GTF2H1: variants seen among roughly 807,000 people sequenced by gnomAD.
GTF2H1 encodes the protein general transcription factor IIH subunit 1.
In GTF2H1, 16 loss-of-function variants were observed where a neutral mutation model predicts 71.2. The ratio of observed to expected loss-of-function variants is 0.22; its 90% CI spans 0.15 to 0.34. The LOEUF (loss-of-function observed/expected upper bound fraction) is 0.34, where lower values mean the gene tolerates loss of function less well. Ranked by LOEUF, GTF2H1 falls within the 10% of genes least tolerant of loss-of-function variation. The probability of loss-of-function intolerance (pLI) is 1.00; values close to 1 mark genes in which losing one functional copy is unlikely to be tolerated. For missense variants in GTF2H1, 498 were observed against 648.2 expected, an observed-to-expected ratio of 0.77 and a Z score of 2.52; for synonymous variants, 215 against 219.0, an observed-to-expected ratio of 0.98 and a Z score of 0.16.
chr11:18,363,647 A>G (rs1039356548), intron 14 of GTF2H1, among the ~76,000 whole-genome samples: 4 of 152,212 alleles, frequency 2.6e-5, no homozygotes, highest in African/African-American at 9.7e-5. Context: ...GTTTTCTTAA[A>G]ATACAAAACA....
At chr11:18,345,465 A>T (rs1865268776) in intron 7 of GTF2H1, among the ~76,000 whole-genome samples, 1 of 151,652 alleles carries the variant, frequency 6.6e-6, no homozygotes, top group South Asian at 2.1e-4. Context: ...ATCACTTAGT[A>T]ATTATTTGAT....
chr11:18,345,017 AC>A (rs1029648324), intron 7 of GTF2H1, among the ~76,000 whole-genome samples: 1 of 72,488 alleles, frequency 1.4e-5, no homozygotes, highest in Non-Finnish European at 2.7e-5. Context: ...ACATCTCTAA[AC>A]TTTTTTTTTT....
chr11:18,330,874 CT>C (rs1864878064), intron 1 of GTF2H1, among the ~76,000 whole-genome samples: 1 of 152,104 alleles, frequency 6.6e-6, no homozygotes, highest in Admixed American at 6.6e-5. Flanking sequence ...GACCTATTTC[CT>C]TTCTGTTCTC....
At chr11:18,365,092 A>AAAT (rs35661766) in intron 14 of GTF2H1, among the ~76,000 whole-genome samples, 7 of 150,202 alleles carry the variant, frequency 4.7e-5, no homozygotes, top group Non-Finnish European at 5.9e-5. Flanking sequence ...AAAAAAAAAA[A>AAAT]CCTGGCCGGG....
intron 1 of GTF2H1, among the ~76,000 whole-genome samples, chr11:18,324,576 C>G (rs964116237): frequency 2.0e-5 from 3 of 152,200 alleles, no homozygotes; most frequent in Non-Finnish European, 4.4e-5. Flanking sequence ...TTATTCCCTA[C>G]CATCAGAATG....
intron 1 of GTF2H1, chr11:18,325,912 C>T (rs1348330709): frequency 6.6e-6 from 1 of 152,166 alleles, no homozygotes; most frequent in East Asian, 1.9e-4. Context: ...GTAGCCTACA[C>T]CAATAACTTT....
rs747448568 is a variant in GTF2H1 at position 18,333,068 on chromosome 11, A to G, written c.-7A>G. ...TTTTTTTTCTCTCTTAGCACCTTCT[A>G]GCCACCATGGCAACCTCATCTGAAG... is the stretch of plus-strand genomic sequence containing the variant. On this transcript the variant is annotated 5_prime_UTR_variant, in exon 2 of 15. Coordinates refer to ENST00000265963, the MANE Select transcript of GTF2H1 (RefSeq NM_005316.4). 13 of 1,607,972 alleles carry G rather than the reference A, an allele frequency of 8.1e-6. No homozygotes were observed. The highest frequency in any genetic ancestry group is 1.1e-5 in the Non-Finnish European group (13 of 1,178,560).
At chr11:18,334,794 T>A (rs1378209596) in intron 2 of GTF2H1, among the ~76,000 whole-genome samples, 1 of 152,196 alleles carries the variant, frequency 6.6e-6, no homozygotes, top group Non-Finnish European at 1.5e-5. Context: ...CACCTAGATA[T>A]TAGTTATTAT....
At chr11:18,341,830 A>G (rs1323555888) in intron 7 of GTF2H1, 2 of 392,400 alleles carry the variant, frequency 5.1e-6, no homozygotes, top group Non-Finnish European at 9.1e-6. Context: ...TTTTAAAAAT[A>G]AATTTCTAGC....
intron 3 of GTF2H1, among the ~76,000 whole-genome samples, 168 bp downstream of exon 3, chr11:18,336,114 GTTTT>G (rs1410883595): frequency 1.3e-5 from 2 of 151,652 alleles, no homozygotes; most frequent in Non-Finnish European, 2.9e-5. Flanking sequence ...GGTGGTGGTG[GTTTT>G]TTGTTTGTTT....
chr11:18,344,482 G>A (rs1017454763), intron 7 of GTF2H1, among the ~76,000 whole-genome samples: 9 of 152,024 alleles, frequency 5.9e-5, no homozygotes, highest in Non-Finnish European at 1.3e-4. Flanking sequence ...AGCCGGGCCT[G>A]GCGGCACATG....
At chr11:18,331,173 C>T (rs1247973405) in intron 1 of GTF2H1, among the ~76,000 whole-genome samples, 1 of 152,096 alleles carries the variant, frequency 6.6e-6, no homozygotes, top group African/African-American at 2.4e-5. Context: ...TCTCCCGCTT[C>T]AGCATTCCAA....
intron 1 of GTF2H1, among the ~76,000 whole-genome samples, chr11:18,331,526 C>T (rs1864897561): frequency 6.6e-6 from 1 of 152,024 alleles, no homozygotes; most frequent in East Asian, 1.9e-4. Context: ...AATAGCCAGG[C>T]GTGGTGGCAC....
chr11:18,335,690 T>A, intron 2 of GTF2H1, 64 bp from the exon 3 acceptor site: 1 of 1,170,930 alleles, frequency 8.5e-7, no homozygotes, highest in Admixed American at 2.0e-5. Context: ...GAGAAGTAAC[T>A]TACTGTATGG....
chr11:18,328,587 G>A (rs1209099392), intron 1 of GTF2H1, among the ~76,000 whole-genome samples: 2 of 151,714 alleles, frequency 1.3e-5, no homozygotes, highest in Non-Finnish European at 2.9e-5. Flanking sequence ...CACTTTGGGA[G>A]GCTGAGGCGG....
chr11:18,337,448 AAAG>A (rs1865055555), intron 3 of GTF2H1, among the ~76,000 whole-genome samples: 1 of 152,064 alleles, frequency 6.6e-6, no homozygotes, highest in Admixed American at 6.6e-5. Context: ...CCATCTCAAA[AAAG>A]AAAAAAAAAA....
At chr11:18,353,084 G>A (rs185214489) in intron 11 of GTF2H1, among the ~76,000 whole-genome samples, 128 of 152,194 alleles carry the variant, frequency 8.4e-4, no homozygotes, top group African/African-American at 2.9e-3. Flanking sequence ...AATTAACTGG[G>A]CGTGGTGGCA....
intron 7 of GTF2H1, among the ~76,000 whole-genome samples, chr11:18,344,885 T>C (rs962761581): frequency 5.3e-5 from 8 of 152,132 alleles, no homozygotes; most frequent in Non-Finnish European, 1.2e-4. Flanking sequence ...CCTAACCAGC[T>C]TCTGCCTATC....
At chr11:18,334,899 T>TA (rs1240136486) in intron 2 of GTF2H1, among the ~76,000 whole-genome samples, 1 of 152,250 alleles carries the variant, frequency 6.6e-6, no homozygotes, top group Non-Finnish European at 1.5e-5. Flanking sequence ...TAGCCATTGT[T>TA]ACATTTCCAT....
Sources: allele counts gnomAD v4.1 joint callset (sites outside exome capture counted in the v4.1 genomes callset), GRCh38; gene constraint gnomAD v4.1.1; transcripts MANE v1.5; gene names NCBI Gene and HGNC (gene_info 2026-07-23, HGNC 2026-07-21).